Variants in PDZD2 observed in about 807,000 individuals in gnomAD.
PDZD2 encodes the protein PDZ domain-containing protein 2.
PDZD2 carries 90 observed loss-of-function variants against 220.7 expected under a neutral mutation model. The ratio of observed to expected loss-of-function variants is 0.41; its 90% CI spans 0.34 to 0.49. PDZD2 has a LOEUF of 0.49. Ranked by LOEUF, PDZD2 falls within the 20% of genes least tolerant of loss-of-function variation. The pLI, the probability that PDZD2 is intolerant of heterozygous loss-of-function variation, is 0.28. For synonymous variants in PDZD2, 1,375 were observed against 1,450.5 expected, an observed-to-expected ratio of 0.95 and a Z score of 1.18; for missense variants, 3,174 against 3,608.5, an observed-to-expected ratio of 0.88 and a Z score of 3.08.
intron 1 of PDZD2, among the ~76,000 whole-genome samples, chr5:31,728,479 T>C (rs1749310907): frequency 6.6e-6 from 1 of 152,212 alleles, no homozygotes; most frequent in Non-Finnish European, 1.5e-5. Context: ...ATGCAAGTCA[T>C]CTGGCTGTCT....
At chr5:31,774,547 C>G (rs547717021) in intron 1 of PDZD2, among the ~76,000 whole-genome samples, 6 of 151,914 alleles carry the variant, frequency 3.9e-5, no homozygotes, top group African/African-American at 1.4e-4. Context: ...AACCCTATCT[C>G]GACTAAAAAT....
At chr5:31,775,914 T>C (rs1714045305) in intron 1 of PDZD2, among the ~76,000 whole-genome samples, 1 of 151,570 alleles carries the variant, frequency 6.6e-6, no homozygotes, top group South Asian at 2.1e-4. Flanking sequence ...AGATGGGGAG[T>C]TTTTGACTAA....
intron 1 of PDZD2, among the ~76,000 whole-genome samples, chr5:31,726,141 G>A (rs990993903): frequency 2.6e-5 from 4 of 152,228 alleles, no homozygotes; most frequent in Non-Finnish European, 5.9e-5. Context: ...TGTAGATTGT[G>A]AGGAGAAGTG....
At chr5:31,956,917 G>A (rs1031435070) in intron 2 of PDZD2, among the ~76,000 whole-genome samples, 49 of 152,052 alleles carry the variant, frequency 3.2e-4, no homozygotes, top group Non-Finnish European at 1.3e-4. Context: ...TAGAGATGGG[G>A]TCTTTCTCTG....
chr5:31,862,102 T>TTGTTTTTTTTTTGGGTTG (rs56135053), intron 2 of PDZD2, among the ~76,000 whole-genome samples: 1 of 76,868 alleles, frequency 1.3e-5, no homozygotes, highest in African/African-American at 7.1e-5. Flanking sequence ...TTTTTTTGGG[T>TTGTTTTTTTTTTGGGTTG]TTTTTTTTTT....
At chr5:32,092,863 T>G (rs1743284680) in intron 20 of PDZD2, 44 bp from the exon 21 acceptor site, 2 of 949,562 alleles carry the variant, frequency 2.1e-6, no homozygotes, top group Non-Finnish European at 1.6e-6. Context: ...ATGAAGAAAT[T>G]GCTTTTTTCT....
chr5:31,909,801 C>T (rs1743009750), intron 2 of PDZD2, among the ~76,000 whole-genome samples: 2 of 152,124 alleles, frequency 1.3e-5, no homozygotes, highest in South Asian at 2.1e-4. Context: ...ATAATCAGAG[C>T]CAAATTTTGA....
chr5:32,037,508 C>A (rs535278916), intron 7 of PDZD2, among the ~76,000 whole-genome samples, 166 bp downstream of exon 7: 2 of 152,294 alleles, frequency 1.3e-5, no homozygotes, highest in South Asian at 4.2e-4. Flanking sequence ...CATTTAGCCT[C>A]CTGCCTGTGT....
chr5:32,100,802 G>A (rs1744183530), intron 23 of PDZD2: 1 of 1,075,704 alleles, frequency 9.3e-7, no homozygotes, highest in Admixed American at 2.1e-5. Context: ...GGCTTAACAA[G>A]AGCACTTTGC....
chr5:32,011,271 T>C (rs1358091323), intron 6 of PDZD2, among the ~76,000 whole-genome samples: 1 of 151,116 alleles, frequency 6.6e-6, no homozygotes, highest in African/African-American at 2.4e-5. Flanking sequence ...GGTGGATTGC[T>C]TGAGCTCAGG....
At chr5:31,889,893 C>T (rs1053286329) in intron 2 of PDZD2, among the ~76,000 whole-genome samples, 1 of 151,970 alleles carries the variant, frequency 6.6e-6, no homozygotes, top group Admixed American at 6.6e-5. Context: ...TGGTAGTGCA[C>T]ACCTTGTAAT....
At position 31,725,945 on chromosome 5, in the gene PDZD2, C is replaced by A. The variant is rs183100591; in HGVS notation, c.-360-72944C>A. The A allele has an allele frequency of 1.2e-4, 78 of 645,046 alleles. No homozygotes were observed. The East Asian group carries it at 2.0e-3, about 17-fold the overall frequency. 40.0% of individuals were successfully genotyped at this position (645,046 alleles called of 1,614,324 possible). ...CAGCTGCCTGGGTCTCCACTCTCTGCCGCATGCGTAACAGATGATGAAATA... is the reference window on the plus strand; with the variant it reads ...CAGCTGCCTGGGTCTCCACTCTCTGACGCATGCGTAACAGATGATGAAATA... On this transcript the variant is annotated intron_variant, in intron 1 of 24. Transcript: ENST00000438447.
chr5:31,983,133 G>A, intron 2 of PDZD2, 22 bp from the exon 3 acceptor site: 1 of 1,600,492 alleles, frequency 6.2e-7, no homozygotes, highest in Non-Finnish European at 8.5e-7. Flanking sequence ...GGTTCTAACT[G>A]GCACCTCTCT....
chr5:32,035,704 A>G (rs760170240), intron 6 of PDZD2, among the ~76,000 whole-genome samples: 4 of 152,204 alleles, frequency 2.6e-5, no homozygotes, highest in African/African-American at 9.7e-5. Context: ...AAGTGACACT[A>G]TAATTACATC....
intron 6 of PDZD2, among the ~76,000 whole-genome samples, chr5:32,026,972 G>T (rs374382620): frequency 6.6e-6 from 1 of 152,072 alleles, no homozygotes; most frequent in Non-Finnish European, 1.5e-5. Context: ...GCACGATCTC[G>T]GCTCACTGCA....
intron 1 of PDZD2, among the ~76,000 whole-genome samples, chr5:31,785,494 G>A (rs144528527): frequency 2.2e-4 from 33 of 151,144 alleles, no homozygotes; most frequent in Middle Eastern, 3.4e-3. Context: ...GCTGGAGTGC[G>A]GTGGTATGAG....
chr5:31,820,211 C>T (rs1755751054), intron 2 of PDZD2, among the ~76,000 whole-genome samples: 1 of 152,154 alleles, frequency 6.6e-6, no homozygotes, highest in Non-Finnish European at 1.5e-5. Context: ...GATTCTGGAT[C>T]CTGCCATACA....
intron 2 of PDZD2, among the ~76,000 whole-genome samples, chr5:31,959,125 G>T (rs1747987821): frequency 6.6e-6 from 1 of 150,578 alleles, no homozygotes; most frequent in Non-Finnish European, 1.5e-5. Flanking sequence ...TAGCAACAGG[G>T]TTTCACCATA....
chr5:31,934,976 A>G (rs757560522), intron 2 of PDZD2, among the ~76,000 whole-genome samples: 7 of 151,472 alleles, frequency 4.6e-5, no homozygotes, highest in African/African-American at 2.4e-5. Context: ...AATCCCAGCT[A>G]CTCCAGGAGG....
Sources: allele counts gnomAD v4.1 joint callset (sites outside exome capture counted in the v4.1 genomes callset), GRCh38; gene constraint gnomAD v4.1.1; transcripts MANE v1.5; gene names NCBI Gene and HGNC (gene_info 2026-07-23, HGNC 2026-07-21).